The following UST variants were observed in gnomAD, a reference collection of about 807,000 sequenced individuals.
UST encodes the protein chondroitin sulfate 2-O-sulfotransferase.
In UST, 21 loss-of-function variants were observed where a neutral mutation model predicts 45.6. That is an observed-to-expected ratio of 0.46 (90% confidence interval 0.33 to 0.66). The LOEUF is 0.66. Among genes scored for constraint, UST ranks in the 30% least tolerant of loss-of-function variants. UST has a pLI of 0.02. For synonymous variants in UST, 215 were observed against 200.6 expected, an observed-to-expected ratio of 1.07 and a Z score of -0.61; for missense variants, 463 against 512.4, an observed-to-expected ratio of 0.90 and a Z score of 0.93.
chr6:148,846,149 T>C (rs2114779397), intron 1 of UST, among the ~76,000 whole-genome samples: 1 of 151,144 alleles, frequency 6.6e-6, no homozygotes, highest in South Asian at 2.1e-4. Context: ...CATGCACACG[T>C]ATGTTTATTG....
intron 2 of UST, among the ~76,000 whole-genome samples, chr6:148,889,369 C>G (rs1778970437): frequency 6.6e-6 from 1 of 152,146 alleles, no homozygotes; most frequent in Non-Finnish European, 1.5e-5. Context: ...GTAATGATGA[C>G]TCACCATTGT....
chr6:148,779,573 A>C (rs1374650676), intron 1 of UST, among the ~76,000 whole-genome samples: 1 of 152,164 alleles, frequency 6.6e-6, no homozygotes, highest in Admixed American at 6.5e-5. Flanking sequence ...AATAATTCCC[A>C]CTCAGCCCGC....
At position 148,775,813 on chromosome 6, in the gene UST, G is replaced by A. The variant is rs189750072; in HGVS notation, c.247+28136G>A. 8.4e-4 allele frequency among the ~76,000 whole-genome samples: 127 copies of A among 152,090 alleles called. 1 individual carries two copies. Among genetic ancestry groups the A allele is most frequent in the African/African-American group, 2.9e-3 (120 of 41,498 alleles). On this transcript the variant is annotated intron_variant, in intron 1 of 7. Transcript: ENST00000367463. ...CAGCTAATTTTTTTTGAAATTTTTA[G>A]TAGAGATGGGGTTTCACCATGTTGG...
chr6:148,772,674 TCG>T (rs2114675770), intron 1 of UST, among the ~76,000 whole-genome samples: 1 of 152,194 alleles, frequency 6.6e-6, no homozygotes, highest in South Asian at 2.1e-4. Context: ...TCCTCCCACC[TCG>T]GCCTCCCAAA....
At chr6:148,948,343 A>G (rs752989158) in intron 3 of UST, among the ~76,000 whole-genome samples, 2 of 152,248 alleles carry the variant, frequency 1.3e-5, no homozygotes, top group Non-Finnish European at 2.9e-5. Context: ...GAATTCACTT[A>G]TGAACCACGT....
At chr6:148,879,128 G>A (rs1391359526) in intron 1 of UST, among the ~76,000 whole-genome samples, 8 of 152,134 alleles carry the variant, frequency 5.3e-5, no homozygotes, top group African/African-American at 1.7e-4. Flanking sequence ...TCTATGCCCG[G>A]AGGTGCCCTG....
chr6:148,794,018 A>G lies in UST; in HGVS notation c.247+46341A>G, dbSNP rs73602908. ...GAATGGAAATACTGATTTGTATGGT[A>G]TGTTTCTGTTCAGCTTTCATAGACA... On this transcript the variant is annotated intron_variant, in intron 1 of 7. Transcript: ENST00000367463. Among the ~76,000 whole-genome samples, 1,000 of 152,308 alleles carry G rather than the reference A, an allele frequency of 6.6e-3. 13 individuals carry two copies. The highest frequency in any genetic ancestry group is 0.023 in the African/African-American group (975 of 41,558).
At chr6:149,025,487 A>C (rs761171019) in intron 7 of UST, among the ~76,000 whole-genome samples, 14 of 152,188 alleles carry the variant, frequency 9.2e-5, no homozygotes, top group Non-Finnish European at 1.6e-4. Context: ...GCAGCTGCTG[A>C]TATTAGGACA....
intron 3 of UST, among the ~76,000 whole-genome samples, chr6:148,942,791 C>A (rs1397157993): frequency 2.6e-5 from 4 of 152,112 alleles, no homozygotes; most frequent in African/African-American, 9.7e-5. Flanking sequence ...TGTTTTGTGT[C>A]TTTTATAATA....
At chr6:148,987,624 G>C (rs1489585116) in intron 5 of UST, among the ~76,000 whole-genome samples, 1 of 152,132 alleles carries the variant, frequency 6.6e-6, no homozygotes, top group Non-Finnish European at 1.5e-5. Flanking sequence ...CTTTTGACAT[G>C]GCAAAAGAAT....
rs1779992070 is a variant in UST, at chr6:148,934,998, T to C, written c.292-6281T>C. On this transcript the variant is annotated intron_variant, in intron 2 of 7. Transcript: ENST00000367463. This position sits in a 1 kb window ranked among gnomAD's most constrained non-coding sequence, Gnocchi z 4.1. ...AGAAGAGCTCTATAGACTCTGGGTC[T>C]CATAGACTATGAAAGTCTTGGTCCA... Among the ~76,000 whole-genome samples, 1 of 152,232 alleles carries C rather than the reference T, an allele frequency of 6.6e-6. No individual in the cohort carries two copies. The highest frequency in any genetic ancestry group is 6.5e-5 in the Admixed American group (1 of 15,280).
intron 5 of UST, among the ~76,000 whole-genome samples, chr6:149,012,523 C>CTT (rs1321913428): frequency 6.6e-6 from 1 of 152,160 alleles, no homozygotes; most frequent in Non-Finnish European, 1.5e-5. Context: ...AGAAACCGTC[C>CTT]TTTTCCATAA....
chr6:149,050,358 A>AG (rs1776465630), intron 7 of UST, among the ~76,000 whole-genome samples: 2 of 152,202 alleles, frequency 1.3e-5, no homozygotes, highest in South Asian at 4.1e-4. Flanking sequence ...TCAAGAACTG[A>AG]GGTTGAAATA....
chr6:149,036,253 C>T (rs1006177292), intron 7 of UST, among the ~76,000 whole-genome samples: 20 of 152,226 alleles, frequency 1.3e-4, no homozygotes, highest in Admixed American at 3.3e-4. Context: ...CCGTCGGGGA[C>T]ACCCAGTGGT....
Position 148,959,284 on chromosome 6 carries a change from A to T in UST, c.528-5126A>T, listed in dbSNP as rs1460043674. 2.0e-5 allele frequency among the ~76,000 whole-genome samples: 3 copies of T among 152,200 alleles called. No homozygotes were observed. The East Asian group carries it at 5.8e-4, about 29-fold the overall frequency. On this transcript the variant is annotated intron_variant, in intron 4 of 7. Transcript: ENST00000367463. ...CAAGTCAATTTGGTTTTCACATCTTATTTGTAAATGTTGACTTTTTTATTC... is the reference window on the plus strand; with the variant it reads ...CAAGTCAATTTGGTTTTCACATCTTTTTTGTAAATGTTGACTTTTTTATTC...
intron 1 of UST, among the ~76,000 whole-genome samples, chr6:148,807,489 G>A (rs1234921799): frequency 6.6e-6 from 1 of 152,124 alleles, no homozygotes; most frequent in Admixed American, 6.5e-5. Context: ...TTATGAGAAT[G>A]GAGTGTATAT....
chr6:148,912,068 G>A (rs1336370506), intron 2 of UST, among the ~76,000 whole-genome samples: 1 of 152,150 alleles, frequency 6.6e-6, no homozygotes, highest in Non-Finnish European at 1.5e-5. Context: ...ATGGTGGTGA[G>A]CACCTGTAAT....
chr6:148,817,885 A>G (rs1777385564), intron 1 of UST, among the ~76,000 whole-genome samples: 1 of 152,188 alleles, frequency 6.6e-6, no homozygotes, highest in East Asian at 1.9e-4. Context: ...ATTCAGACAG[A>G]TGGGGGACCT....
At chr6:149,012,799 C>G (rs1247275117) in intron 5 of UST, among the ~76,000 whole-genome samples, 2 of 120,786 alleles carry the variant, frequency 1.7e-5, no homozygotes, top group East Asian at 2.2e-4. Flanking sequence ...GCCAGAGTCA[C>G]TATTTAAAAA....
Sources: allele counts gnomAD v4.1 joint callset (sites outside exome capture counted in the v4.1 genomes callset), GRCh38; gene constraint gnomAD v4.1.1; non-coding constraint Gnocchi (gnomAD v3.1); transcripts MANE v1.5; gene names NCBI Gene and HGNC (gene_info 2026-07-23, HGNC 2026-07-21).